SLCO5A1: variants seen among roughly 807,000 people sequenced by gnomAD.
SLCO5A1 encodes the protein organic anion transporter polypeptide-related protein 4.
Under a neutral mutation model 65.1 loss-of-function variants are expected in SLCO5A1, and 39 were observed. The observed-to-expected ratio is 0.60, with a 90% confidence interval of 0.46 to 0.78. SLCO5A1 has a LOEUF of 0.78. Ranked by LOEUF, SLCO5A1 falls within the 30% of genes least tolerant of loss-of-function variation. The pLI is 0.00. For synonymous variants in SLCO5A1, 438 were observed against 415.7 expected, an observed-to-expected ratio of 1.05 and a Z score of -0.65; for missense variants, 1,029 against 1,069.4, an observed-to-expected ratio of 0.96 and a Z score of 0.53.
intron 4 of SLCO5A1, among the ~76,000 whole-genome samples, chr8:69,748,120 C>T (rs943899191): frequency 2.6e-5 from 4 of 152,146 alleles, no homozygotes; most frequent in Admixed American, 2.6e-4. Context: ...TTGCTGCTTG[C>T]CTGGAAAAGA....
chr8:69,790,106 T>G (rs1819203642), intron 2 of SLCO5A1, among the ~76,000 whole-genome samples: 1 of 146,846 alleles, frequency 6.8e-6, no homozygotes. Flanking sequence ...GGCAGAAGAA[T>G]CACTTGAACC....
intron 2 of SLCO5A1, among the ~76,000 whole-genome samples, chr8:69,792,918 G>T (rs545680347): frequency 5.5e-4 from 84 of 151,936 alleles, no homozygotes; most frequent in African/African-American, 1.9e-3. Flanking sequence ...CTGTTTTGGG[G>T]TTTTTTTAAG....
intron 6 of SLCO5A1, among the ~76,000 whole-genome samples, chr8:69,687,109 G>A (rs1814035034): frequency 6.6e-6 from 1 of 152,120 alleles, no homozygotes; most frequent in African/African-American, 2.4e-5. Flanking sequence ...CGTGAGGAGT[G>A]CAAAAGGCTA....
intron 4 of SLCO5A1, among the ~76,000 whole-genome samples, chr8:69,740,139 T>C (rs886760078): frequency 2.0e-5 from 3 of 152,228 alleles, no homozygotes; most frequent in Admixed American, 2.0e-4. Context: ...TCTGCTGTTA[T>C]CTAAGAAGAA....
intron 2 of SLCO5A1, among the ~76,000 whole-genome samples, chr8:69,807,105 C>T (rs550439175): frequency 2.6e-5 from 4 of 152,324 alleles, no homozygotes. Context: ...TACAGGGCAA[C>T]GGAAACTCAA....
chr8:69,759,865 C>T (rs190306681), intron 3 of SLCO5A1, among the ~76,000 whole-genome samples: 5 of 152,284 alleles, frequency 3.3e-5, no homozygotes, highest in African/African-American at 7.2e-5. Flanking sequence ...CCAGGGTTAT[C>T]TCGAACTCCT....
intron 6 of SLCO5A1, among the ~76,000 whole-genome samples, chr8:69,692,592 A>G (rs1382240206): frequency 6.6e-6 from 1 of 152,198 alleles, no homozygotes; most frequent in Non-Finnish European, 1.5e-5. Context: ...CTGTGGTGCA[A>G]AAGTATTTTT....
chr8:69,785,232 AGG>A (rs1173977104), intron 2 of SLCO5A1, among the ~76,000 whole-genome samples: 4 of 152,208 alleles, frequency 2.6e-5, no homozygotes, highest in African/African-American at 9.6e-5. Flanking sequence ...GGAGGCAAAA[AGG>A]GGGTGGAGAT....
At chr8:69,821,310 G>A (rs1021066478) in intron 2 of SLCO5A1, among the ~76,000 whole-genome samples, 1 of 152,016 alleles carries the variant, frequency 6.6e-6, no homozygotes, top group African/African-American at 2.4e-5. Flanking sequence ...AGTGAGCTCA[G>A]ATCAGCCCAC....
chr8:69,808,934 G>A (rs184238600), intron 2 of SLCO5A1, among the ~76,000 whole-genome samples: 126 of 151,986 alleles, frequency 8.3e-4, no homozygotes, highest in African/African-American at 3.0e-3. Context: ...ATGAAATCCC[G>A]TCTCTACTAA....
intron 5 of SLCO5A1, among the ~76,000 whole-genome samples, chr8:69,732,522 G>A (rs528239254): frequency 1.5e-4 from 23 of 152,240 alleles, no homozygotes; most frequent in East Asian, 1.2e-3. Flanking sequence ...AAAATAAATC[G>A]AAATGATGAC....
At position 69,831,743 on chromosome 8, in the gene SLCO5A1, T is replaced by A. The variant is rs1821160315; in HGVS notation, c.907+24A>T. ...TAAGTTTCAGTGTGAGTGAAACATA[T>A]CTGAGAGAACAGGAAAGTCTTACCT... On this transcript the variant is annotated intron_variant, in intron 2 of 9. Transcript: ENST00000260126. 3 of 1,595,852 alleles carry A rather than the reference T, an allele frequency of 1.9e-6. No individual in the cohort carries two copies. In the African/African-American group the frequency reaches 4.1e-5, roughly 22 times the overall value.
At chr8:69,702,198 T>C (rs751753168) in intron 6 of SLCO5A1, among the ~76,000 whole-genome samples, 81 of 152,242 alleles carry the variant, frequency 5.3e-4, no homozygotes, top group Non-Finnish European at 8.8e-4. Context: ...CTTAATTTAT[T>C]AGTGATGACT....
At position 69,833,054 on chromosome 8, in the gene SLCO5A1, C is replaced by CG; in HGVS notation, c.-382dup. 1 of 251,656 alleles carries CG rather than the reference C, an allele frequency of 4.0e-6. No homozygotes were observed. Among genetic ancestry groups the CG allele is most frequent in the South Asian group, 7.0e-5 (1 of 14,208 alleles). The allele number at this position is 251,656 out of a possible 1,614,324, so 15.6% of individuals were successfully genotyped here. The stretch of plus-strand genomic sequence containing the variant: ...GGCCAGGAGCGAGTGCACCCTGCGC[C>CG]GGGGGTGGGGGGGCACTTAGCGCTG... On this transcript the variant is annotated 5_prime_UTR_variant, in exon 2 of 10. Transcript: ENST00000260126.
At chr8:69,823,203 A>G (rs1003848908) in intron 2 of SLCO5A1, among the ~76,000 whole-genome samples, 2 of 152,222 alleles carry the variant, frequency 1.3e-5, no homozygotes, top group African/African-American at 2.4e-5. Context: ...CTAGGAAAAA[A>G]CTGCATCAAC....
In SLCO5A1 at chr8:69,741,659, T is replaced by C. The variant is rs115982052; in HGVS notation, c.1259-3455A>G. On this transcript the variant is annotated intron_variant, in intron 4 of 9. Coordinates refer to ENST00000260126, the MANE Select transcript of SLCO5A1 (RefSeq NM_030958.3). ...AAAAGCCTATTAGTGATAGGGCAAA[T>C]TAACACTATATGTCTCTGCTCCTAT... Among the ~76,000 whole-genome samples, 1,389 of 152,324 alleles carry C rather than the reference T, an allele frequency of 9.1e-3. 18 individuals are homozygous for C. The highest frequency in any genetic ancestry group is 0.032 in the African/African-American group (1,329 of 41,572).
chr8:69,684,030 T>G (rs941743469), intron 6 of SLCO5A1, among the ~76,000 whole-genome samples: 2 of 152,198 alleles, frequency 1.3e-5, no homozygotes, highest in African/African-American at 4.8e-5. Flanking sequence ...AAAACAATAT[T>G]AAAGTCTTAT....
chr8:69,786,751 T>C (rs980726360), intron 2 of SLCO5A1, among the ~76,000 whole-genome samples: 1 of 152,198 alleles, frequency 6.6e-6, no homozygotes, highest in African/African-American at 2.4e-5. Flanking sequence ...CAAAAAATTA[T>C]CTTGCGTAGA....
chr8:69,718,876 A>G (rs1815689479), intron 5 of SLCO5A1, among the ~76,000 whole-genome samples: 1 of 152,154 alleles, frequency 6.6e-6, no homozygotes, highest in Non-Finnish European at 1.5e-5. Context: ...TACTACAGAG[A>G]AAAATGCTCA....
Sources: gnomAD v4.1 joint callset for allele counts (sites outside exome capture counted in the v4.1 genomes callset) on GRCh38, gnomAD v4.1.1 for gene constraint, MANE v1.5 for transcripts, NCBI Gene and HGNC (gene_info 2026-07-23, HGNC 2026-07-21) for gene names.